Variants in RALGPS1 observed in about 807,000 individuals in gnomAD.
RALGPS1 encodes ras-specific guanine nucleotide-releasing factor RalGPS1.
In RALGPS1, 19 loss-of-function variants were observed where a neutral mutation model predicts 78.8. The observed-to-expected ratio is 0.24, with a 90% CI of 0.17 to 0.35. The LOEUF (loss-of-function observed/expected upper bound fraction) is 0.35, where lower values mean the gene tolerates loss of function less well. RALGPS1 is among the 10% of genes least tolerant of loss of function. RALGPS1 has a pLI of 1.00. For synonymous variants in RALGPS1, 228 were observed against 256.3 expected (o/e 0.89, Z 1.06); for missense variants, 454 against 688.3 (o/e 0.66, Z 3.81).
intron 4 of RALGPS1, among the ~76,000 whole-genome samples, chr9:127,024,920 A>G (rs905378680): frequency 3.3e-5 from 5 of 151,752 alleles, no homozygotes; most frequent in African/African-American, 1.2e-4. Flanking sequence ...CCTTCGTCAT[A>G]TTTATTGAGG....
At chr9:127,092,926 T>C (rs1026608313) in intron 8 of RALGPS1, among the ~76,000 whole-genome samples, 1 of 152,108 alleles carries the variant, frequency 6.6e-6, no homozygotes, top group Non-Finnish European at 1.5e-5. Flanking sequence ...GTTTGTGAGC[T>C]TCAGTGTCAG....
chr9:126,999,710 T>A (rs918759989), intron 4 of RALGPS1, among the ~76,000 whole-genome samples: 1 of 152,234 alleles, frequency 6.6e-6, no homozygotes, highest in African/African-American at 2.4e-5. Context: ...ATACCAAAGT[T>A]TATCCATTCA....
In RALGPS1 at chr9:126,998,295, A is replaced by G. The variant is rs539711481; in HGVS notation, c.216+20550A>G. Among the ~76,000 whole-genome samples the G allele has an allele frequency of 1.5e-4, 23 of 152,354 alleles. No homozygotes were observed. In the South Asian group the frequency reaches 4.8e-3, roughly 32 times the overall value. On this transcript the variant is annotated intron_variant, in intron 4 of 18. Coordinates refer to ENST00000259351, the MANE Select transcript of RALGPS1 (RefSeq NM_014636.3). ...ATCTGACAAAGGGCTAATACCTAGA[A>G]TCTACAATGGACTCAAATTTACAAG...
intron 8 of RALGPS1, among the ~76,000 whole-genome samples, chr9:127,133,266 A>T (rs563984923): frequency 6.6e-6 from 1 of 152,350 alleles, no homozygotes; most frequent in East Asian, 1.9e-4. Context: ...CCTCAGCCCC[A>T]GTCCCCAAGG....
chr9:127,129,490 T>C (rs2056860915), intron 8 of RALGPS1, among the ~76,000 whole-genome samples: 1 of 152,074 alleles, frequency 6.6e-6, no homozygotes. Flanking sequence ...AAATTCCCAT[T>C]CCAAAGACCA....
chr9:127,114,963 G>A (rs1473885102), intron 8 of RALGPS1, among the ~76,000 whole-genome samples: 2 of 152,218 alleles, frequency 1.3e-5, no homozygotes, highest in Non-Finnish European at 2.9e-5. Flanking sequence ...TGCTGGTAGG[G>A]AAGTATCCAA....
chr9:126,974,280 C>A (rs1395547276), intron 3 of RALGPS1, among the ~76,000 whole-genome samples: 1 of 152,218 alleles, frequency 6.6e-6, no homozygotes, highest in African/African-American at 2.4e-5. Context: ...TCCCCTGACT[C>A]TTTTCTAAAT....
At chr9:127,166,910 G>T (rs11790436) in intron 9 of RALGPS1, among the ~76,000 whole-genome samples, 48,688 of 151,952 alleles carry the variant, frequency 0.32, 9,730 homozygotes, top group Non-Finnish European at 0.42. Context: ...GATTTCACCC[G>T]AGAAGATGGC....
chr9:127,097,368 C>T (rs947996841), intron 8 of RALGPS1, among the ~76,000 whole-genome samples: 2 of 152,172 alleles, frequency 1.3e-5, no homozygotes, highest in African/African-American at 4.8e-5. Flanking sequence ...TCTGCTGTTA[C>T]AAAAAATGTG....
At chr9:127,002,682 C>A (rs34641638) in intron 4 of RALGPS1, among the ~76,000 whole-genome samples, 1 of 147,418 alleles carries the variant, frequency 6.8e-6, no homozygotes, top group East Asian at 2.0e-4. Flanking sequence ...CACCTATGAG[C>A]GAGAATATGT....
At chr9:127,047,518 G>C (rs923887441) in intron 5 of RALGPS1, among the ~76,000 whole-genome samples, 1 of 152,056 alleles carries the variant, frequency 6.6e-6, no homozygotes, top group African/African-American at 2.4e-5. Flanking sequence ...GGCCAATACG[G>C]TGAAACCCCA....
chr9:127,104,626 C>T (rs957288714), intron 8 of RALGPS1, among the ~76,000 whole-genome samples: 2 of 152,216 alleles, frequency 1.3e-5, no homozygotes, highest in Admixed American at 6.5e-5. Context: ...TCTCAGTAGG[C>T]CATCCTGGCC....
chr9:127,174,283 AAGAAAG>A (rs2059723709), intron 10 of RALGPS1, among the ~76,000 whole-genome samples: 2 of 124,168 alleles, frequency 1.6e-5, no homozygotes, highest in African/African-American at 4.8e-5. Context: ...GAGAGAAAGA[AAGAAAG>A]AGAAAGAAAG....
At chr9:127,144,845 G>T (rs115564319) in intron 8 of RALGPS1, among the ~76,000 whole-genome samples, 1 of 152,200 alleles carries the variant, frequency 6.6e-6, no homozygotes, top group African/African-American at 2.4e-5. Context: ...GCTGGAAAGC[G>T]GGGAATGGGG....
chr9:127,080,842 A>C (rs2051102364), intron 8 of RALGPS1, among the ~76,000 whole-genome samples: 1 of 152,238 alleles, frequency 6.6e-6, no homozygotes, highest in East Asian at 1.9e-4. Flanking sequence ...AATATTGTGG[A>C]TTTCAGATTT....
At chr9:127,204,798 G>A (rs920365028) in intron 14 of RALGPS1, among the ~76,000 whole-genome samples, 18 of 152,220 alleles carry the variant, frequency 1.2e-4, no homozygotes, top group African/African-American at 4.3e-4. Context: ...CATGGTGACA[G>A]AGCACCAAGT....
chr9:126,938,716 C>T (rs2036492784), intron 1 of RALGPS1, among the ~76,000 whole-genome samples: 1 of 152,248 alleles, frequency 6.6e-6, no homozygotes. Flanking sequence ...GTGGCCACAG[C>T]TGTGACAGTC....
intron 8 of RALGPS1, among the ~76,000 whole-genome samples, chr9:127,117,603 C>T (rs991238375): frequency 1.3e-5 from 2 of 152,194 alleles, no homozygotes; most frequent in Non-Finnish European, 2.9e-5. Context: ...CTGACCTAGC[C>T]TCAGAAAAGC....
chr9:127,202,907 G>T (rs1022907331), intron 14 of RALGPS1, among the ~76,000 whole-genome samples: 3 of 150,014 alleles, frequency 2.0e-5, no homozygotes, highest in Non-Finnish European at 4.4e-5. Flanking sequence ...GGCGGCCGCA[G>T]GGCAGCGGCC....
Sources: gnomAD v4.1 joint callset for allele counts (sites outside exome capture counted in the v4.1 genomes callset) on GRCh38, gnomAD v4.1.1 for gene constraint, MANE v1.5 for transcripts, NCBI Gene and HGNC (gene_info 2026-07-23, HGNC 2026-07-21) for gene names.